The following CNBD1 variants were observed in gnomAD, a reference collection of about 807,000 sequenced individuals.
CNBD1 encodes the protein cyclic nucleotide-binding domain-containing protein 1.
A neutral mutation model predicts 54.4 loss-of-function variants in CNBD1; 71 were observed. The observed-to-expected ratio is 1.30, with a 90% CI of 1.08 to 1.59. The LOEUF (loss-of-function observed/expected upper bound fraction) is 1.59. Among genes scored for constraint, CNBD1 ranks in the 40% most tolerant of loss-of-function variants. The pLI is 0.00. For synonymous variants in CNBD1, 182 were observed against 170.7 expected, an observed-to-expected ratio of 1.07 and a Z score of -0.51; for missense variants, 659 against 518.0, an observed-to-expected ratio of 1.27 and a Z score of -2.64.
At chr8:87,230,563 A>G (rs1814662434) in intron 5 of CNBD1, among the ~76,000 whole-genome samples, 1 of 152,214 alleles carries the variant, frequency 6.6e-6, no homozygotes, top group African/African-American at 2.4e-5. Context: ...TGTACTTTGT[A>G]ACTTTTGACA....
At chr8:87,129,891 G>T (rs147655555) in intron 4 of CNBD1, among the ~76,000 whole-genome samples, 1 of 152,174 alleles carries the variant, frequency 6.6e-6, no homozygotes, top group African/African-American at 2.4e-5. Context: ...AAAGAAAGAG[G>T]TTTAATTGAC....
chr8:86,878,105 T>TGTGAGA (rs56785226), intron 1 of CNBD1, among the ~76,000 whole-genome samples: 55 of 140,970 alleles, frequency 3.9e-4, no homozygotes, highest in South Asian at 2.7e-3. Context: ...TGTGTGTGTG[T>TGTGAGA]GAGAGAGAGA....
At chr8:87,149,510 G>C (rs1439088622) in intron 4 of CNBD1, among the ~76,000 whole-genome samples, 3 of 152,170 alleles carry the variant, frequency 2.0e-5, no homozygotes. Context: ...GGAAATCCAA[G>C]GGTAGAATAT....
chr8:87,131,533 T>G (rs1285109807), intron 4 of CNBD1, among the ~76,000 whole-genome samples: 1 of 152,090 alleles, frequency 6.6e-6, no homozygotes, highest in African/African-American at 2.4e-5. Flanking sequence ...ATGTTTTTAC[T>G]TTTCTCATTA....
chr8:87,140,862 C>T (rs529439815), intron 4 of CNBD1, among the ~76,000 whole-genome samples: 1 of 152,236 alleles, frequency 6.6e-6, no homozygotes, highest in South Asian at 2.1e-4. Flanking sequence ...GTCATTACCA[C>T]ATTCCTCTGC....
intron 4 of CNBD1, among the ~76,000 whole-genome samples, chr8:87,006,848 C>G (rs1435604883): frequency 2.6e-5 from 4 of 152,164 alleles, no homozygotes; most frequent in Non-Finnish European, 5.9e-5. Flanking sequence ...TAAGATAAAG[C>G]TATTTAAACA....
chr8:87,221,891 C>T (rs1379660637), intron 5 of CNBD1, among the ~76,000 whole-genome samples: 1 of 152,000 alleles, frequency 6.6e-6, no homozygotes, highest in Non-Finnish European at 1.5e-5. Context: ...CAAGTTATTG[C>T]ATTATTCTAA....
intron 4 of CNBD1, among the ~76,000 whole-genome samples, chr8:87,203,157 A>T (rs1265021568): frequency 6.6e-6 from 1 of 152,182 alleles, no homozygotes; most frequent in African/African-American, 2.4e-5. Context: ...AAGGAAGTAT[A>T]CTGATATAAT....
chr8:87,303,432 A>G (rs538767288), intron 8 of CNBD1, among the ~76,000 whole-genome samples: 1 of 151,770 alleles, frequency 6.6e-6, no homozygotes, highest in Non-Finnish European at 1.5e-5. Flanking sequence ...CTGGCTAGCC[A>G]TATGTAGAAA....
At chr8:87,252,748 T>C (rs897116439) in intron 6 of CNBD1, among the ~76,000 whole-genome samples, 2 of 152,098 alleles carry the variant, frequency 1.3e-5, no homozygotes, top group Non-Finnish European at 2.9e-5. Flanking sequence ...GCTTAAAACA[T>C]GAAAACATAC....
chr8:86,934,610 G>A (rs1586145330), intron 3 of CNBD1, among the ~76,000 whole-genome samples: 1 of 152,100 alleles, frequency 6.6e-6, no homozygotes, highest in Non-Finnish European at 1.5e-5. Context: ...AATATTTGCT[G>A]TATTTTGTGT....
At chr8:87,372,030 A>G (rs1321957059) in intron 10 of CNBD1, among the ~76,000 whole-genome samples, 2 of 151,974 alleles carry the variant, frequency 1.3e-5, no homozygotes, top group Admixed American at 1.3e-4. Flanking sequence ...TTCAATTAGG[A>G]AAAGAGGAAG....
chr8:87,428,134 C>G (rs1427528674), intron 2 of CNBD1, among the ~76,000 whole-genome samples: 2 of 49,796 alleles, frequency 4.0e-5, no homozygotes, highest in African/African-American at 9.5e-5. Flanking sequence ...CCTCCCCCAA[C>G]CAAAAAAAAG....
At chr8:87,235,292 C>T (rs1030367793) in intron 5 of CNBD1, among the ~76,000 whole-genome samples, 2 of 152,124 alleles carry the variant, frequency 1.3e-5, no homozygotes, top group African/African-American at 4.8e-5. Flanking sequence ...TGTTCCTTTG[C>T]ATTCACAACT....
At chr8:87,121,230 T>C (rs1563476742) in intron 4 of CNBD1, among the ~76,000 whole-genome samples, 1 of 151,732 alleles carries the variant, frequency 6.6e-6, no homozygotes, top group Non-Finnish European at 1.5e-5. Flanking sequence ...GTTATTTCCA[T>C]GAAATCAGTC....
At chr8:86,957,328 A>G (rs186650185) in intron 4 of CNBD1, among the ~76,000 whole-genome samples, 1 of 152,144 alleles carries the variant, frequency 6.6e-6, no homozygotes, top group Non-Finnish European at 1.5e-5. Flanking sequence ...TGGTATCAGG[A>G]TGATGCTGGC....
intron 1 of CNBD1, among the ~76,000 whole-genome samples, chr8:86,883,878 G>A (rs1208304577): frequency 3.3e-5 from 5 of 152,134 alleles, no homozygotes; most frequent in African/African-American, 7.2e-5. Context: ...TCGGCTGGGC[G>A]CGGTGGCTCA....
intron 8 of CNBD1, among the ~76,000 whole-genome samples, chr8:87,302,890 C>A (rs1337424717): frequency 3.9e-5 from 6 of 151,990 alleles, no homozygotes; most frequent in Admixed American, 3.3e-4. Flanking sequence ...ATCACAATTG[C>A]TTCAAAGAGA....
chr8:86,904,681 C>T (rs1425659112), intron 2 of CNBD1, among the ~76,000 whole-genome samples: 2 of 152,000 alleles, frequency 1.3e-5, no homozygotes, highest in East Asian at 1.9e-4. Context: ...ATACTGCCTG[C>T]GATTTTAACA....
Sources: gnomAD v4.1 joint callset for allele counts (sites outside exome capture counted in the v4.1 genomes callset) on GRCh38, gnomAD v4.1.1 for gene constraint, MANE v1.5 for transcripts, NCBI Gene and HGNC (gene_info 2026-07-23, HGNC 2026-07-21) for gene names.